Variants in ATXN2L observed in about 807,000 individuals in gnomAD.
The protein encoded by ATXN2L is ataxin 2 like.
ATXN2L carries 24 observed loss-of-function variants against 120.7 expected under a neutral mutation model. The observed-to-expected ratio is 0.20, with a 90% CI of 0.14 to 0.28. ATXN2L has a LOEUF of 0.28. ATXN2L is among the 10% of genes least tolerant of loss of function. The pLI, the probability that ATXN2L is intolerant of heterozygous loss-of-function variation, is 1.00. For synonymous variants in ATXN2L, 653 were observed against 568.1 expected, an observed-to-expected ratio of 1.15 and a Z score of -2.13; for missense variants, 1,312 against 1,432.3, an observed-to-expected ratio of 0.92 and a Z score of 1.36.
chr16:28,823,935 T>G (rs1318919941), intron 1 of ATXN2L: 2 of 257,660 alleles, frequency 7.8e-6, no homozygotes, highest in Non-Finnish European at 1.3e-5. Flanking sequence ...CAATGGGGAG[T>G]CTGCTGCGGG....
At chr16:28,823,701 A>T in intron 1 of ATXN2L, 143 bp downstream of exon 1, 1 of 842,996 alleles carries the variant, frequency 1.2e-6, no homozygotes, top group Non-Finnish European at 1.6e-6. Flanking sequence ...GGGCCCCCTC[A>T]GGTCCGAACA....
At chr16:28,824,667 G>A in intron 1 of ATXN2L, 1 of 1,046,056 alleles carries the variant, frequency 9.6e-7, no homozygotes, top group Non-Finnish European at 1.2e-6. Context: ...GGGAGGTAAT[G>A]TACCTGAGCT....
chr16:28,830,755 C>G lies in ATXN2L; in HGVS notation c.1175C>G (p.Pro392Arg), dbSNP rs1167344270. The G allele has an allele frequency of 1.2e-6, 2 of 1,611,408 alleles. No homozygotes were observed. ...RGPHHLDNSS[P>R]GPGSEARGIN... is the part of the protein sequence containing the mutation. ...CCTCACCATCTGGACAACAGCAGCCCTGGCCCAGGTTCTGAGGCCCGTGGT... is the reference window on the plus strand; with the variant it reads ...CCTCACCATCTGGACAACAGCAGCCGTGGCCCAGGTTCTGAGGCCCGTGGT... Residue 392 changes from proline to arginine, a missense_variant, in exon 9 of 22, where the codon CCT becomes CGT. By Grantham distance (103) the Pro-to-Arg change is moderately radical. Coordinates refer to ENST00000336783, the MANE Select transcript of ATXN2L (RefSeq NM_007245.4).
At chr16:28,824,121 G>A in intron 1 of ATXN2L, 1 of 1,020,504 alleles carries the variant, frequency 9.8e-7, no homozygotes, top group Non-Finnish European at 1.2e-6. Flanking sequence ...TGCGGGCCGG[G>A]AGCCTCTGGC....
Position 28,836,370 on chromosome 16 carries a change from G to C in ATXN2L, c.*105G>C. 1 of 1,613,538 alleles carries C rather than the reference G, an allele frequency of 6.2e-7. No homozygotes were observed. The highest frequency in any genetic ancestry group is 8.5e-7 in the Non-Finnish European group (1 of 1,179,930). On this transcript the variant is annotated 3_prime_UTR_variant, in exon 22 of 22. Coordinates refer to ENST00000336783, the MANE Select transcript of ATXN2L (RefSeq NM_007245.4). Reference sequence around the variant, plus strand: ...CCACAGTCGCCGCCGCCAGGGGCTTGCTCCTGGCTCTGTCCTTTGCTTCCC... The same window carrying C: ...CCACAGTCGCCGCCGCCAGGGGCTTCCTCCTGGCTCTGTCCTTTGCTTCCC...
In ATXN2L at chr16:28,833,321, A is replaced by G; in HGVS notation, c.1922A>G (p.Lys641Arg). The change falls in exon 14 of 22, where the codon AAG (lysine) becomes AGG (arginine). Residue 641 changes from lysine to arginine, a missense_variant. Lys to Arg is a conservative substitution (Grantham distance 26). Coordinates refer to ENST00000336783, the MANE Select transcript of ATXN2L (RefSeq NM_007245.4). ...GGCAGCCCCCCGGTGGGCCTCATCA[A>G]GGGAGAAGACAAAGATGAGGGCCCT... is the stretch of plus-strand genomic sequence containing the variant. ...QTGSPPVGLI[K>R]GEDKDEGPVA... 1 of 1,613,806 alleles carries G rather than the reference A, an allele frequency of 6.2e-7. No homozygotes were observed. The highest frequency in any genetic ancestry group is 1.1e-5 in the South Asian group (1 of 91,068).
At position 28,836,825 on chromosome 16, in the gene ATXN2L, T is replaced by A. The variant is rs746695157; in HGVS notation, c.*560T>A. 8 of 1,608,058 alleles carry A rather than the reference T, an allele frequency of 5.0e-6. No homozygotes were observed. Among genetic ancestry groups the A allele is most frequent in the Non-Finnish European group, 6.8e-6 (8 of 1,175,874 alleles). The stretch of plus-strand genomic sequence containing the variant: ...AGACCTCCATGAGTGGAGGGAAGAG[T>A]GATCTATGTCTCTTCCCCCAGCAGC... On this transcript the variant is annotated 3_prime_UTR_variant, in exon 22 of 22. Transcript: ENST00000336783.
intron 12 of ATXN2L, 42 bp downstream of exon 12, chr16:28,832,609 G>T (rs1201174268): frequency 6.3e-7 from 1 of 1,586,976 alleles, no homozygotes; most frequent in Admixed American, 1.7e-5. Context: ...ATGCTCCTTT[G>T]TCTGGGGGAG....
intron 8 of ATXN2L, among the ~76,000 whole-genome samples, 179 bp from the exon 9 acceptor site, chr16:28,830,436 A>C (rs1452415708): frequency 6.6e-6 from 1 of 152,160 alleles, no homozygotes; most frequent in African/African-American, 2.4e-5. Flanking sequence ...ACATGAGGTC[A>C]TAAGTCCGTA....
At chr16:28,835,022 C>T (rs755166773) in intron 18 of ATXN2L, 36 bp from the exon 19 acceptor site, 19 of 1,588,836 alleles carry the variant, frequency 1.2e-5, no homozygotes, top group Admixed American at 5.1e-5. Context: ...TCCCAGCTGG[C>T]GGCTGTGCCA....
chr16:28,829,812 T>G (rs745906564), intron 7 of ATXN2L, 46 bp from the exon 8 acceptor site: 2 of 1,595,268 alleles, frequency 1.3e-6, no homozygotes, highest in African/African-American at 2.7e-5. Flanking sequence ...TTTCCTCTTT[T>G]GTCCCCTGGC....
chr16:28,830,131 A>C, intron 8 of ATXN2L, 73 bp downstream of exon 8: 1 of 1,420,450 alleles, frequency 7.0e-7, no homozygotes. Context: ...AGAGTTGATG[A>C]GTGCTGTGGT....
Position 28,826,953 on chromosome 16 carries a change from C to T in ATXN2L, c.708C>T (p.Ser236=). The change falls in exon 6 of 22, where the codon AGC becomes AGT. Residue 236 remains serine (S), a synonymous_variant. Coordinates refer to ENST00000336783, the MANE Select transcript of ATXN2L (RefSeq NM_007245.4). ...KVLQRWEGGD[S]NSDDYDLESD... is the part of the protein sequence containing the mutation. ...TTCAGCGCTGGGAGGGGGGTGACAGCAACAGCGACGACTATGACCTCGAGT... is the reference window on the plus strand; with the variant it reads ...TTCAGCGCTGGGAGGGGGGTGACAGTAACAGCGACGACTATGACCTCGAGT... 1 of 1,580,976 alleles carries T rather than the reference C, an allele frequency of 6.3e-7. No homozygotes were observed. Among genetic ancestry groups the T allele is most frequent in the Non-Finnish European group, 8.6e-7 (1 of 1,159,602 alleles).
At position 28,823,271 on chromosome 16, in the gene ATXN2L, TCAGCCGCTACAACAGCCCTCCCAGCCC is replaced by T. The variant is rs749550887; in HGVS notation, c.17_43del (p.Pro6_Gln14del). On this transcript the variant is annotated inframe_deletion, in exon 1 of 22. Transcript: ENST00000336783. ...CGGACGCTGCCATCATGTTGAAGCCTCAGCCGCTACAACAGCCCTCCCAGCCCCAGCAGCCGCCCCCCACGCAACAGG... is the reference window on the plus strand; with the variant it reads ...CGGACGCTGCCATCATGTTGAAGCCTCAGCAGCCGCCCCCCACGCAACAGG... 5.2e-5 allele frequency: 77 copies of T among 1,492,470 alleles called. 1 individual carries two copies. Among genetic ancestry groups the T allele is most frequent in the Non-Finnish European group, 6.1e-5 (68 of 1,121,290 alleles). The allele number at this position is 1,492,470 out of a possible 1,614,324, so 92.5% of individuals were successfully genotyped here. A position where few individuals can be genotyped will look rare whatever the true frequency, so the allele number is the denominator to read the frequency against.
chr16:28,829,543 A>G (rs779014573), intron 7 of ATXN2L, 51 bp downstream of exon 7: 2 of 1,339,928 alleles, frequency 1.5e-6, no homozygotes, highest in Non-Finnish European at 2.1e-6. Flanking sequence ...TGGGGTCACT[A>G]AGTGAAGACA....
At chr16:28,829,521 G>A in intron 7 of ATXN2L, 29 bp downstream of exon 7, 1 of 1,487,446 alleles carries the variant, frequency 6.7e-7, no homozygotes, top group Non-Finnish European at 9.4e-7. Context: ...TCCAGGTGAT[G>A]TGTTGGTGAT....
At chr16:28,835,228 C>T (rs370330652) in intron 19 of ATXN2L, 41 bp downstream of exon 19, 16 of 1,610,276 alleles carry the variant, frequency 9.9e-6, no homozygotes, top group East Asian at 4.5e-5. Context: ...GGCTGTGTGC[C>T]AGCCCCCTCT....
At position 28,836,799 on chromosome 16, in the gene ATXN2L, G is replaced by A. The variant is rs777775295; in HGVS notation, c.*534G>A. The A allele has an allele frequency of 6.2e-7, 1 of 1,613,724 alleles. No individual in the cohort carries two copies. The highest frequency in any genetic ancestry group is 1.3e-5 in the African/African-American group (1 of 74,842). On this transcript the variant is annotated 3_prime_UTR_variant, in exon 22 of 22. Coordinates refer to ENST00000336783, the MANE Select transcript of ATXN2L (RefSeq NM_007245.4). ...CTGAAGATTGTCCTGGCCGCGACCT[G>A]AGACCTCCATGAGTGGAGGGAAGAG...
intron 21 of ATXN2L, 46 bp downstream of exon 21, chr16:28,835,804 G>A (rs373615515): frequency 2.1e-4 from 338 of 1,610,096 alleles, no homozygotes; most frequent in Non-Finnish European, 2.6e-4. Flanking sequence ...GCCAGGGCCC[G>A]TCTGCCATGG....
Sources: gnomAD v4.1 joint callset for allele counts (sites outside exome capture counted in the v4.1 genomes callset) on GRCh38, gnomAD v4.1.1 for gene constraint, MANE v1.5 for transcripts, NCBI Gene and HGNC (gene_info 2026-07-23, HGNC 2026-07-21) for gene names.